The following RARB variants were observed in gnomAD, a reference collection of about 807,000 sequenced individuals.
RARB encodes the protein retinoic acid receptor beta.
In RARB, 17 loss-of-function variants were observed where a neutral mutation model predicts 51.9. The observed-to-expected ratio is 0.33, with a 90% CI of 0.22 to 0.49. The LOEUF is 0.49. Ranked by LOEUF, RARB falls within the 20% of genes least tolerant of loss-of-function variation. RARB has a pLI of 0.99. For synonymous variants in RARB, 215 were observed against 195.4 expected, an observed-to-expected ratio of 1.10 and a Z score of -0.84; for missense variants, 369 against 550.8, an observed-to-expected ratio of 0.67 and a Z score of 3.30.
chr3:24,858,835 G>A (rs1329168262), intron 2 of RARB: 1 of 151,750 alleles, frequency 6.6e-6, no homozygotes, highest in African/African-American at 2.4e-5. Context: ...TTAGGAGTTC[G>A]AGACCAGCCT....
At chr3:25,550,050 A>G (rs1476520737) in intron 3 of RARB, among the ~76,000 whole-genome samples, 1 of 152,168 alleles carries the variant, frequency 6.6e-6, no homozygotes, top group East Asian at 1.9e-4. Context: ...TCATTGCCTG[A>G]TACTTGGAAA....
chr3:25,316,590 A>G (rs755278143), intron 5 of RARB, among the ~76,000 whole-genome samples: 2 of 152,210 alleles, frequency 1.3e-5, no homozygotes, highest in African/African-American at 4.8e-5. Context: ...AGTGGGGACA[A>G]CAGATTTGGT....
chr3:24,930,276 T>C (rs774919248), intron 2 of RARB, among the ~76,000 whole-genome samples: 1 of 152,102 alleles, frequency 6.6e-6, no homozygotes, highest in Non-Finnish European at 1.5e-5. Context: ...CTTATTCTTT[T>C]ATGATTCTGA....
At chr3:24,911,475 G>A (rs1694987448) in intron 2 of RARB, among the ~76,000 whole-genome samples, 1 of 152,196 alleles carries the variant, frequency 6.6e-6, no homozygotes, top group African/African-American at 2.4e-5. Context: ...GAAATATGGA[G>A]GAGGAATGGT....
At chr3:25,046,185 C>T (rs1486715316) in intron 2 of RARB, among the ~76,000 whole-genome samples, 2 of 152,128 alleles carry the variant, frequency 1.3e-5, no homozygotes, top group Non-Finnish European at 2.9e-5. Context: ...AACCGCTGGG[C>T]CTGTTGGCCT....
At chr3:25,033,403 A>C (rs1697915050) in intron 2 of RARB, among the ~76,000 whole-genome samples, 1 of 152,202 alleles carries the variant, frequency 6.6e-6, no homozygotes, top group African/African-American at 2.4e-5. Flanking sequence ...ATTGTCTGAA[A>C]TGTGGGAGAG....
At chr3:25,133,145 C>T (rs1575175419) in intron 4 of RARB, among the ~76,000 whole-genome samples, 1 of 151,906 alleles carries the variant, frequency 6.6e-6, no homozygotes, top group South Asian at 2.1e-4. Context: ...TCATCCTTAA[C>T]CATATGTAAA....
intron 2 of RARB, among the ~76,000 whole-genome samples, chr3:25,058,362 G>C (rs1226644988): frequency 7.3e-5 from 11 of 151,652 alleles, no homozygotes; most frequent in Admixed American, 2.6e-4. Flanking sequence ...GCCACAAAAG[G>C]GTCTTTATAG....
At chr3:25,239,841 T>A (rs1167716205) in intron 5 of RARB, among the ~76,000 whole-genome samples, 1 of 152,188 alleles carries the variant, frequency 6.6e-6, no homozygotes, top group East Asian at 1.9e-4. Flanking sequence ...ACATTGGTAT[T>A]TTGACAGAGA....
chr3:24,865,545 C>G (rs555672125), intron 2 of RARB, among the ~76,000 whole-genome samples: 201 of 152,294 alleles, frequency 1.3e-3, no homozygotes, highest in African/African-American at 4.6e-3. Flanking sequence ...CCCAAGCAGT[C>G]TGGTTCCAGA....
At chr3:24,890,245 C>T (rs1211321357) in intron 2 of RARB, among the ~76,000 whole-genome samples, 1 of 152,150 alleles carries the variant, frequency 6.6e-6, no homozygotes, top group Non-Finnish European at 1.5e-5. Flanking sequence ...ATGACTCACT[C>T]TCCTCTCTTC....
intron 2 of RARB, among the ~76,000 whole-genome samples, chr3:24,947,125 A>G (rs956780719): frequency 6.6e-6 from 1 of 152,196 alleles, no homozygotes; most frequent in Non-Finnish European, 1.5e-5. Context: ...CCAAGACAAG[A>G]CATATGTCTA....
rs1486978259 is a variant in RARB, at chr3:25,572,813, G to A, written c.609+2895G>A. ...AACTGCTACATCAGGGTCCCCCTCC[G>A]CCTCCTCCAGGTGGTATCTTAGCAT... On this transcript the variant is annotated intron_variant, in intron 4 of 7. Coordinates refer to ENST00000330688, the MANE Select transcript of RARB (RefSeq NM_000965.5). Among the ~76,000 whole-genome samples the A allele has an allele frequency of 3.3e-5, 5 of 152,170 alleles. 1 individual carries two copies. Among genetic ancestry groups the A allele is most frequent in the Admixed American group, 2.6e-4 (4 of 15,294 alleles).
intron 2 of RARB, among the ~76,000 whole-genome samples, chr3:24,889,996 A>G (rs781216042): frequency 6.6e-6 from 1 of 152,140 alleles, no homozygotes; most frequent in Non-Finnish European, 1.5e-5. Flanking sequence ...TGGCACATTC[A>G]TTATTCTAAT....
chr3:24,891,053 C>T (rs59015146), intron 2 of RARB, among the ~76,000 whole-genome samples: 127 of 152,292 alleles, frequency 8.3e-4, no homozygotes, highest in African/African-American at 2.9e-3. Context: ...TGGAAAAGCT[C>T]AGTGCGTTTC....
chr3:25,017,774 A>G (rs1036393062), intron 2 of RARB, among the ~76,000 whole-genome samples: 2 of 152,306 alleles, frequency 1.3e-5, no homozygotes, highest in Non-Finnish European at 1.5e-5. Flanking sequence ...AAAGAATAGT[A>G]TTAATCCTTA....
At position 25,356,560 on chromosome 3, in the gene RARB, A is replaced by T. The variant is rs181887742; in HGVS notation, c.179-104633A>T. Among the ~76,000 whole-genome samples the T allele has an allele frequency of 1.6e-3, 244 of 152,080 alleles. 1 individual carries two copies. Among genetic ancestry groups the T allele is most frequent in the African/African-American group, 5.6e-3 (231 of 41,488 alleles). ...TTTAAGTTCTGGGATACACGTGCAGAATGCGCAGGTTTGTTACATAGGTAT... is the reference window on the plus strand; with the variant it reads ...TTTAAGTTCTGGGATACACGTGCAGTATGCGCAGGTTTGTTACATAGGTAT... On this transcript the variant is annotated intron_variant, in intron 5 of 11. Coordinates refer to the RARB transcript ENST00000383772.
chr3:25,503,420 T>C (rs1239830211), intron 3 of RARB, among the ~76,000 whole-genome samples: 3 of 152,142 alleles, frequency 2.0e-5, no homozygotes, highest in Non-Finnish European at 4.4e-5. Context: ...ATCAGTACTT[T>C]TGCATTATTT....
At position 24,987,341 on chromosome 3, in the gene RARB, C is replaced by T. The variant is rs117347034; in HGVS notation, c.-379-72784C>T. 8.4e-4 allele frequency among the ~76,000 whole-genome samples: 128 copies of T among 152,058 alleles called. No individual in the cohort carries two copies. The East Asian group carries it at 0.022, about 27-fold the overall frequency. On this transcript the variant is annotated intron_variant, in intron 2 of 11. Coordinates refer to the RARB transcript ENST00000383772. ...ACAGAAAGGTCAACAGGATGGAATTCTAATGGGAAAGTAGTTTAGTGACTA... is the reference window on the plus strand; with the variant it reads ...ACAGAAAGGTCAACAGGATGGAATTTTAATGGGAAAGTAGTTTAGTGACTA...
Sources: gnomAD v4.1 joint callset for allele counts (sites outside exome capture counted in the v4.1 genomes callset) on GRCh38, gnomAD v4.1.1 for gene constraint, MANE v1.5 for transcripts, NCBI Gene and HGNC (gene_info 2026-07-23, HGNC 2026-07-21) for gene names.